The following PSD3 variants were observed in gnomAD, a reference collection of about 807,000 sequenced individuals.
PSD3 encodes pleckstrin and Sec7 domain containing 3.
In PSD3, 49 loss-of-function variants were observed where a neutral mutation model predicts 105.5. The ratio of observed to expected loss-of-function variants is 0.46; its 90% CI spans 0.37 to 0.59. PSD3 has a LOEUF of 0.59. Among genes scored for constraint, PSD3 ranks in the 20% least tolerant of loss-of-function variants. The pLI, the probability that PSD3 is intolerant of heterozygous loss-of-function variation, is 0.00. For synonymous variants in PSD3, 557 were observed against 457.8 expected, an observed-to-expected ratio of 1.22 and a Z score of -2.77; for missense variants, 1,561 against 1,263.8, an observed-to-expected ratio of 1.24 and a Z score of -3.57.
chr8:18,795,093 T>G (rs1446541407), intron 8 of PSD3, among the ~76,000 whole-genome samples: 1 of 152,140 alleles, frequency 6.6e-6, no homozygotes, highest in Non-Finnish European at 1.5e-5. Flanking sequence ...GAACTCCACA[T>G]TTTTTTAACA....
chr8:18,711,510 C>G (rs1802254236), intron 9 of PSD3, among the ~76,000 whole-genome samples: 1 of 151,964 alleles, frequency 6.6e-6, no homozygotes, highest in Non-Finnish European at 1.5e-5. Context: ...TTTAAATGAA[C>G]AAAGATAAAA....
chr8:18,582,257 C>T (rs893811797), intron 12 of PSD3, among the ~76,000 whole-genome samples: 2 of 152,174 alleles, frequency 1.3e-5, no homozygotes, highest in African/African-American at 2.4e-5. Flanking sequence ...CTGCCTTCCA[C>T]GCTCACCACT....
rs1455924975 is a variant in PSD3, at chr8:18,556,100, G to T, written c.2928+109C>A. The T allele has an allele frequency of 4.1e-5, 54 of 1,326,666 alleles. 1 individual carries two copies. In the South Asian group the frequency reaches 7.6e-4, roughly 19 times the overall value. 82.2% of individuals were successfully genotyped at this position (1,326,666 alleles called of 1,614,324 possible). A position where few individuals can be genotyped will look rare whatever the true frequency, so the allele number is the denominator to read the frequency against. ...CCAGGAGCTCCCAAATTAGAGCCAG[G>T]GGCAAGACACGCCTCTCTCAGTGAC... is the stretch of plus-strand genomic sequence containing the variant. On this transcript the variant is annotated intron_variant, in intron 15 of 15. Transcript: ENST00000327040.
intron 1 of PSD3, among the ~76,000 whole-genome samples, chr8:18,938,572 G>C (rs1039253388): frequency 6.7e-6 from 1 of 149,316 alleles, no homozygotes; most frequent in African/African-American, 2.5e-5. Context: ...GCAGTGAACC[G>C]CGATGGCGCT....
chr8:19,077,600 G>A (rs113660984), intron 1 of PSD3, among the ~76,000 whole-genome samples: 10 of 152,290 alleles, frequency 6.6e-5, no homozygotes, highest in African/African-American at 2.4e-4. Context: ...TCAGCTAAGA[G>A]TGTAAACCGA....
intron 12 of PSD3, among the ~76,000 whole-genome samples, chr8:18,583,730 A>G (rs1802970698): frequency 6.6e-6 from 1 of 152,090 alleles, no homozygotes; most frequent in Non-Finnish European, 1.5e-5. Flanking sequence ...GTGCCCTTCC[A>G]TATGTGTTTC....
chr8:18,574,380 C>T (rs1206978387), intron 13 of PSD3, among the ~76,000 whole-genome samples: 2 of 152,138 alleles, frequency 1.3e-5, no homozygotes, highest in African/African-American at 2.4e-5. Context: ...TTGAAAAAAT[C>T]AGGGAACAGA....
At position 18,752,625 on chromosome 8, in the gene PSD3, T is replaced by TTATATATAA. The variant is rs377743548; in HGVS notation, c.2172+12815_2172+12823dup. 3.1e-4 allele frequency among the ~76,000 whole-genome samples: 28 copies of TTATATATAA among 91,536 alleles called. 1 individual carries two copies. Among genetic ancestry groups the TTATATATAA allele is most frequent in the Non-Finnish European group, 4.1e-4 (22 of 53,198 alleles). 60.1% of individuals were successfully genotyped at this position (91,536 alleles called of 152,430 possible). Reference sequence around the variant, plus strand: ...TTATATATAATACATATAATATATATTATATATAATATATATAATATATAT... The same window carrying TTATATATAA: ...TTATATATAATACATATAATATATATTATATATAATATATATAATATATATAATATATAT... On this transcript the variant is annotated intron_variant, in intron 9 of 15. Coordinates refer to ENST00000327040, the MANE Select transcript of PSD3 (RefSeq NM_015310.4).
chr8:18,843,159 G>GAC (rs1814792126), intron 4 of PSD3, among the ~76,000 whole-genome samples: 1 of 152,046 alleles, frequency 6.6e-6, no homozygotes. Context: ...AGGCGATCGA[G>GAC]ACCATCCTGG....
At chr8:18,856,856 T>G (rs1338672153) in intron 4 of PSD3, among the ~76,000 whole-genome samples, 1 of 152,220 alleles carries the variant, frequency 6.6e-6, no homozygotes, top group Non-Finnish European at 1.5e-5. Flanking sequence ...GCACTGTTAT[T>G]ACTGATAATA....
chr8:18,537,811 G>C (rs984783711), intron 15 of PSD3, among the ~76,000 whole-genome samples: 1 of 152,138 alleles, frequency 6.6e-6, no homozygotes, highest in African/African-American at 2.4e-5. Context: ...CAAGTGTCTA[G>C]GATTACAGGC....
intron 14 of PSD3, among the ~76,000 whole-genome samples, chr8:18,563,939 T>G (rs73666682): frequency 0.16 from 24,387 of 152,126 alleles, 1,966 homozygotes; most frequent in South Asian, 0.25. Flanking sequence ...GTGGGGTGTG[T>G]GTAGCCCAGG....
At chr8:18,629,535 T>C (rs56114105) in intron 11 of PSD3, among the ~76,000 whole-genome samples, 12,491 of 152,002 alleles carry the variant, frequency 0.082, 737 homozygotes, top group Non-Finnish European at 0.13. Flanking sequence ...AGAGAAACTA[T>C]TAATTCACAC....
chr8:18,750,951 C>T (rs1336675759), intron 9 of PSD3, among the ~76,000 whole-genome samples: 1 of 152,124 alleles, frequency 6.6e-6, no homozygotes, highest in Non-Finnish European at 1.5e-5. Context: ...TCCACCTCCC[C>T]ACCAGACTCA....
At chr8:18,677,740 G>C (rs530492629) in intron 9 of PSD3, among the ~76,000 whole-genome samples, 1 of 152,136 alleles carries the variant, frequency 6.6e-6, no homozygotes, top group Non-Finnish European at 1.5e-5. Flanking sequence ...GACTGGGCAC[G>C]GTGGCTTACG....
rs1408265191 is a variant in PSD3, at chr8:18,615,972, C to G, written c.2411-15538G>C. ...CAGCTGAAGGTCAATAAAAATAACT[C>G]AAAGTGGCTGATGAGCAGCCTCCAG... On this transcript the variant is annotated intron_variant, in intron 11 of 15. Transcript: ENST00000327040. Among the ~76,000 whole-genome samples, 4 of 152,244 alleles carry G rather than the reference C, an allele frequency of 2.6e-5. No homozygotes were observed. The East Asian group carries it at 5.8e-4, about 22-fold the overall frequency.
At chr8:18,780,394 G>C (rs1808492581) in intron 8 of PSD3, among the ~76,000 whole-genome samples, 1 of 151,744 alleles carries the variant, frequency 6.6e-6, no homozygotes, top group South Asian at 2.1e-4. Context: ...TTTTTAAGGG[G>C]GGAATTTAAA....
chr8:19,066,241 C>A (rs926820174), intron 1 of PSD3, among the ~76,000 whole-genome samples: 1 of 152,210 alleles, frequency 6.6e-6, no homozygotes, highest in Non-Finnish European at 1.5e-5. Flanking sequence ...AAAATCATTA[C>A]AGAGTTTTAT....
chr8:18,633,695 T>C (rs1378937110), intron 10 of PSD3, among the ~76,000 whole-genome samples: 2 of 152,136 alleles, frequency 1.3e-5, no homozygotes, highest in Non-Finnish European at 2.9e-5. Flanking sequence ...ATGATTTTGC[T>C]ACTGTGAATA....
Sources: allele counts gnomAD v4.1 joint callset (sites outside exome capture counted in the v4.1 genomes callset), GRCh38; gene constraint gnomAD v4.1.1; transcripts MANE v1.5; gene names NCBI Gene and HGNC (gene_info 2026-07-23, HGNC 2026-07-21).